IFT74: variants seen among roughly 807,000 people sequenced by gnomAD.
The protein encoded by IFT74 is intraflagellar transport 74, also known as intraflagellar transport protein 74 homolog.
IFT74 carries 92 observed loss-of-function variants against 96.7 expected under a neutral mutation model. That is an observed-to-expected ratio of 0.95 (90% CI 0.80 to 1.13). The LOEUF is 1.13. Among genes scored for constraint, IFT74 ranks in the 50% most tolerant of loss-of-function variants. The pLI, the probability that IFT74 is intolerant of heterozygous loss-of-function variation, is 0.00. For missense variants in IFT74, 811 were observed against 698.2 expected, an observed-to-expected ratio of 1.16 and a Z score of -1.82; for synonymous variants, 223 against 213.2, an observed-to-expected ratio of 1.05 and a Z score of -0.40.
At chr9:26,952,657 C>T (rs576550584), upstream of IFT74, among the ~76,000 whole-genome samples, 5 of 152,322 alleles carry the variant, frequency 3.3e-5, no homozygotes, top group East Asian at 5.8e-4. Flanking sequence ...CATTTTCAAA[C>T]CCTAACCACC....
intron 2 of IFT74, among the ~76,000 whole-genome samples, chr9:26,971,876 C>G (rs1418537593): frequency 6.6e-6 from 1 of 152,156 alleles, no homozygotes; most frequent in African/African-American, 2.4e-5. Flanking sequence ...CTTGGTTCTG[C>G]AAATGTTTCA....
Position 26,980,612 on chromosome 9 carries a change from CT to C in IFT74, c.300del (p.Arg102GlufsTer4). The C allele has an allele frequency of 6.3e-7, 1 of 1,595,580 alleles. No individual in the cohort carries two copies. Among genetic ancestry groups the C allele is most frequent in the Non-Finnish European group, 8.6e-7 (1 of 1,164,018 alleles). Reference sequence around the variant, plus strand: ...TTTAGACAAATCTTACTATCTTGGGCTTCTTAGGTATGTTAAACATATCTTT... The same window carrying C: ...TTTAGACAAATCTTACTATCTTGGGCTCTTAGGTATGTTAAACATATCTTT... The part of the protein sequence containing the change: ...QILDKSYYLG[L>X]LRSKISELTT... On this transcript the variant is annotated frameshift_variant, in exon 4 of 20. Coordinates refer to ENST00000380062, the MANE Select transcript of IFT74 (RefSeq NM_025103.4). LOFTEE classifies it high-confidence loss of function.
intron 8 of IFT74, among the ~76,000 whole-genome samples, chr9:26,992,071 C>A (rs1354188102): frequency 6.6e-6 from 1 of 151,948 alleles, no homozygotes; most frequent in African/African-American, 2.4e-5. Context: ...AAGCTATAAT[C>A]CCCTGAAGGC....
chr9:27,022,646 C>CTT (rs112202812), intron 12 of IFT74, among the ~76,000 whole-genome samples: 205 of 141,740 alleles, frequency 1.4e-3, no homozygotes, highest in South Asian at 0.014. Context: ...TTCTTGATTT[C>CTT]TTTTTTTTTT....
chr9:27,015,066 A>G (rs1242637844), intron 10 of IFT74, among the ~76,000 whole-genome samples: 2 of 152,260 alleles, frequency 1.3e-5, no homozygotes, highest in Non-Finnish European at 2.9e-5. Flanking sequence ...AATCAGGTGA[A>G]GGATTAACAT....
chr9:27,064,008 A>G lies in IFT74; in HGVS notation c.*1272A>G, dbSNP rs903595318. On this transcript the variant is annotated 3_prime_UTR_variant, in exon 20 of 20. Coordinates refer to ENST00000380062, the MANE Select transcript of IFT74 (RefSeq NM_025103.4). ...AAGAAGTTTGGGAAACGTTGTCTGA[A>G]ACAAAGGTGAATTATTTTATTTTTT... Among the ~76,000 whole-genome samples, 4 of 152,250 alleles carry G rather than the reference A, an allele frequency of 2.6e-5. No individual in the cohort carries two copies. Among genetic ancestry groups the G allele is most frequent in the Middle Eastern group, 3.4e-3 (1 of 294 alleles).
chr9:27,034,214 A>G (rs533477831), intron 13 of IFT74, among the ~76,000 whole-genome samples: 24 of 152,232 alleles, frequency 1.6e-4, no homozygotes, highest in Middle Eastern at 3.2e-3. Flanking sequence ...ATGATTATTA[A>G]AATACCATAA....
chr9:26,995,345 G>A (rs1442190620), intron 8 of IFT74: 1 of 530,150 alleles, frequency 1.9e-6, no homozygotes, highest in Admixed American at 3.2e-5. Flanking sequence ...GTCAGTTACT[G>A]TATTTGAACC....
At chr9:27,030,139 A>G (rs1410447662) in intron 13 of IFT74, among the ~76,000 whole-genome samples, 1 of 152,200 alleles carries the variant, frequency 6.6e-6, no homozygotes, top group East Asian at 1.9e-4. Flanking sequence ...TAGCATTTTA[A>G]TCATAGTTTA....
At chr9:26,985,953 G>C (rs545307161) in intron 6 of IFT74, among the ~76,000 whole-genome samples, 8 of 152,250 alleles carry the variant, frequency 5.3e-5, no homozygotes, top group African/African-American at 1.9e-4. Flanking sequence ...GCTTCTACCT[G>C]TGGACTTTCA....
intron 2 of IFT74, among the ~76,000 whole-genome samples, chr9:26,968,475 T>C (rs1320406021): frequency 2.0e-5 from 3 of 152,284 alleles, no homozygotes; most frequent in African/African-American, 7.2e-5. Flanking sequence ...TTGGTCAGGC[T>C]AGTCTTGAAC....
chr9:26,982,498 C>T, intron 4 of IFT74: 1 of 333,510 alleles, frequency 3.0e-6, no homozygotes, highest in Non-Finnish European at 5.9e-6. Flanking sequence ...CTCTTGTTGC[C>T]CAGGCTGGAG....
At chr9:26,951,771 C>T (rs371823345), upstream of IFT74, among the ~76,000 whole-genome samples, 233 of 152,152 alleles carry the variant, frequency 1.5e-3, no homozygotes, top group African/African-American at 5.3e-3. Flanking sequence ...TGGTGGTATG[C>T]GCCTGTAGTC....
intron 9 of IFT74, among the ~76,000 whole-genome samples, chr9:27,011,337 C>G (rs919569775): frequency 2.7e-5 from 4 of 150,014 alleles, no homozygotes; most frequent in Non-Finnish European, 6.0e-5. Context: ...AATGAGTAAA[C>G]AGTTTAAGGA....
intron 16 of IFT74, among the ~76,000 whole-genome samples, chr9:27,049,949 T>A (rs1475520376): frequency 1.3e-5 from 2 of 152,176 alleles, no homozygotes; most frequent in Admixed American, 1.3e-4. Flanking sequence ...TATATTGTAT[T>A]TAAACTGATA....
At chr9:26,988,564 T>C in intron 6 of IFT74, 105 bp from the exon 7 acceptor site, 1 of 1,055,742 alleles carries the variant, frequency 9.5e-7, no homozygotes, top group Non-Finnish European at 1.3e-6. Context: ...AATACTTAAG[T>C]TACTACTCAT....
chr9:27,059,196 GTTAT>G (rs761152274), intron 18 of IFT74, among the ~76,000 whole-genome samples: 1 of 152,180 alleles, frequency 6.6e-6, no homozygotes, highest in Non-Finnish European at 1.5e-5. Context: ...CCTTCTCTGT[GTTAT>G]TTGTCATCTT....
intron 8 of IFT74, among the ~76,000 whole-genome samples, chr9:27,003,200 G>A (rs1828591811): frequency 6.6e-6 from 1 of 151,296 alleles, no homozygotes; most frequent in Non-Finnish European, 1.5e-5. Context: ...GAGTATTTAG[G>A]GTTTGTTTTT....
chr9:27,002,677 A>G (rs529853715), intron 8 of IFT74, among the ~76,000 whole-genome samples: 46 of 152,094 alleles, frequency 3.0e-4, no homozygotes, highest in African/African-American at 7.5e-4. Context: ...TACCATGCTG[A>G]TTTGGTTACT....
Sources: allele counts gnomAD v4.1 joint callset (sites outside exome capture counted in the v4.1 genomes callset), GRCh38; gene constraint gnomAD v4.1.1; transcripts MANE v1.5; gene names NCBI Gene and HGNC (gene_info 2026-07-23, HGNC 2026-07-21).